Variants in MIER2 observed in about 807,000 individuals in gnomAD.
MIER2 encodes mesoderm induction early response protein 2.
Under a neutral mutation model 67.6 loss-of-function variants are expected in MIER2, and 30 were observed. The observed-to-expected ratio is 0.44, with a 90% CI of 0.33 to 0.60. The LOEUF (loss-of-function observed/expected upper bound fraction) is 0.60, where lower values mean the gene tolerates loss of function less well. Ranked by LOEUF, MIER2 falls within the 20% of genes least tolerant of loss-of-function variation. The pLI is 0.02. For missense variants in MIER2, 702 were observed against 745.1 expected (o/e 0.94, Z 0.67); for synonymous variants, 372 against 312.6 (o/e 1.19, Z -2.00).
intron 3 of MIER2, among the ~76,000 whole-genome samples, chr19:329,112 A>G (rs1047044952): frequency 5.3e-5 from 8 of 151,994 alleles, no homozygotes; most frequent in Admixed American, 2.6e-4. Context: ...CAACTTCCGG[A>G]ACACTCCCTC....
intron 3 of MIER2, 162 bp downstream of exon 3, chr19:334,238 T>C (rs1600167367): frequency 1.0e-6 from 1 of 990,068 alleles, no homozygotes; most frequent in South Asian, 1.6e-5. Flanking sequence ...ATGAAAGACC[T>C]GGTCTCCACT....
Position 308,549 on chromosome 19 carries a change from AG to A in MIER2, c.1198+27del. The A allele has an allele frequency of 6.4e-7, 1 of 1,563,852 alleles. No homozygotes were observed. Among genetic ancestry groups the A allele is most frequent in the Non-Finnish European group, 8.7e-7 (1 of 1,154,762 alleles). On this transcript the variant is annotated intron_variant, in intron 12 of 13. Coordinates refer to ENST00000264819, the MANE Select transcript of MIER2 (RefSeq NM_017550.3). The surrounding 1 kb of genome is among the most constrained non-coding windows in gnomAD (Gnocchi z 9.1). ...CGGCTCCAGACCCGTGGCCGCCCCCAGGGCAGGAGATACTCCCCAAGCCTCA... is the reference window on the plus strand; with the variant it reads ...CGGCTCCAGACCCGTGGCCGCCCCCAGGCAGGAGATACTCCCCAAGCCTCA...
At chr19:318,857 C>G (rs1016393639) in intron 7 of MIER2, among the ~76,000 whole-genome samples, 1 of 151,952 alleles carries the variant, frequency 6.6e-6, no homozygotes, top group Non-Finnish European at 1.5e-5. Context: ...GAGATCCAGA[C>G]CATCCTGGCT....
At chr19:310,930 C>A (rs1487741933) in intron 10 of MIER2, among the ~76,000 whole-genome samples, 2 of 152,220 alleles carry the variant, frequency 1.3e-5, no homozygotes, top group African/African-American at 4.8e-5. Flanking sequence ...TCCAGCCACA[C>A]CTCGCCCCGC....
intron 10 of MIER2, among the ~76,000 whole-genome samples, chr19:309,702 G>A (rs1463234895): frequency 9.1e-5 from 5 of 54,758 alleles, no homozygotes; most frequent in Admixed American, 2.8e-4. Context: ...AGACGAGAAG[G>A]GACACACACA....
intron 13 of MIER2, 82 bp downstream of exon 13, chr19:307,037 C>T (rs72982402): frequency 0.086 from 126,283 of 1,463,410 alleles, 6,449 homozygotes; most frequent in African/African-American, 0.19. Context: ...GCAAATGCCT[C>T]CCACCCTCCT....
chr19:329,691 A>C (rs1054457555), intron 3 of MIER2, among the ~76,000 whole-genome samples: 1 of 152,050 alleles, frequency 6.6e-6, no homozygotes, highest in African/African-American at 2.4e-5. Flanking sequence ...GTTTGAGACC[A>C]GCCTAACTAA....
intron 7 of MIER2, among the ~76,000 whole-genome samples, chr19:316,147 C>T (rs530455615): frequency 1.3e-5 from 2 of 152,292 alleles, no homozygotes; most frequent in African/African-American, 4.8e-5. Flanking sequence ...CAAAAAAATG[C>T]TGAAAGAAAG....
intron 1 of MIER2, chr19:343,909 GTTTC>G: frequency 4.1e-6 from 4 of 985,418 alleles, no homozygotes; most frequent in Non-Finnish European, 4.8e-6. Context: ...AAAAGCGAAA[GTTTC>G]TTCCTTCCTG....
At chr19:337,175 C>G (rs1331037016) in intron 1 of MIER2, among the ~76,000 whole-genome samples, 1 of 152,050 alleles carries the variant, frequency 6.6e-6, no homozygotes, top group Non-Finnish European at 1.5e-5. Context: ...ACAAAACCCT[C>G]AACAAAATAC....
rs929732751 is a variant in MIER2, at chr19:344,741, C to CG, written c.9+32dup. On this transcript the variant is annotated intron_variant, in intron 1 of 13. Coordinates refer to ENST00000264819, the MANE Select transcript of MIER2 (RefSeq NM_017550.3). ...GGCGGGGGGCGCGGACGCGCGGGGGCGGGGGGCCGGCTCCCCCGGCCCGCT... is the reference window on the plus strand; with the variant it reads ...GGCGGGGGGCGCGGACGCGCGGGGGCGGGGGGGCCGGCTCCCCCGGCCCGCT... 127 of 1,145,398 alleles carry CG rather than the reference C, an allele frequency of 1.1e-4. 1 individual carries two copies. The South Asian group carries it at 1.2e-3, about 11-fold the overall frequency. 71.0% of individuals were successfully genotyped at this position (1,145,398 alleles called of 1,614,324 possible).
Position 308,769 on chromosome 19 carries a change from C to T in MIER2, c.1109+32G>A. 1 of 1,595,018 alleles carries T rather than the reference C, an allele frequency of 6.3e-7. No homozygotes were observed. The highest frequency in any genetic ancestry group is 1.3e-5 in the African/African-American group (1 of 74,624). On this transcript the variant is annotated intron_variant, in intron 11 of 13. Coordinates refer to ENST00000264819, the MANE Select transcript of MIER2 (RefSeq NM_017550.3). The surrounding 1 kb of genome is among the most constrained non-coding windows in gnomAD (Gnocchi z 9.1). The stretch of plus-strand genomic sequence containing the variant: ...TGCCCACCCCCGGCGGGGTGGCCGC[C>T]TGTCGTTACTGCTGGGGAGGGCTGC...
chr19:339,267 A>C (rs1164862247), intron 1 of MIER2, among the ~76,000 whole-genome samples: 1 of 152,218 alleles, frequency 6.6e-6, no homozygotes, highest in Admixed American at 6.5e-5. Context: ...TAAGGAAGAG[A>C]GAATCCCATT....
At chr19:338,654 T>G (rs1042141973) in intron 1 of MIER2, among the ~76,000 whole-genome samples, 1 of 152,170 alleles carries the variant, frequency 6.6e-6, no homozygotes, top group African/African-American at 2.4e-5. Flanking sequence ...GATTTCAAAA[T>G]TCACCACAGA....
chr19:307,153 G>C lies in MIER2; in HGVS notation c.1582C>G (p.Pro528Ala), dbSNP rs746974828. 1 of 1,588,426 alleles carries C rather than the reference G, an allele frequency of 6.3e-7. No individual in the cohort carries two copies. The highest frequency in any genetic ancestry group is 1.3e-5 in the African/African-American group (1 of 74,620). The part of the protein sequence containing the change: ...NPFLAAHPTC[P>A]APGLHSEPLS... ...GGCTCCGAGTGTAGCCCGGGGGCCGGGCACGTGGGGTGGGCGGCCAGGAAG... is the reference window on the plus strand; with the variant it reads ...GGCTCCGAGTGTAGCCCGGGGGCCGCGCACGTGGGGTGGGCGGCCAGGAAG... Residue 528 changes from proline (P) to alanine (A), a missense_variant, in exon 13 of 14, where the codon CCG (proline) becomes GCG (alanine). Physicochemically the swap from Pro to Ala is conservative, Grantham distance 27 (BLOSUM62 -1). Coordinates refer to ENST00000264819, the MANE Select transcript of MIER2 (RefSeq NM_017550.3).
intron 1 of MIER2, among the ~76,000 whole-genome samples, chr19:339,540 G>A (rs1972410951): frequency 6.6e-6 from 1 of 152,202 alleles, no homozygotes; most frequent in Non-Finnish European, 1.5e-5. Context: ...AAATAGTCCA[G>A]CAATTCCTCC....
At chr19:336,467 C>T (rs896852117) in intron 1 of MIER2, among the ~76,000 whole-genome samples, 7 of 152,226 alleles carry the variant, frequency 4.6e-5, no homozygotes, top group Admixed American at 4.6e-4. Context: ...CAGTCCTGAC[C>T]CATGCTGCAA....
At chr19:320,135 G>A (rs1415616283) in intron 7 of MIER2, among the ~76,000 whole-genome samples, 1 of 152,126 alleles carries the variant, frequency 6.6e-6, no homozygotes, top group Non-Finnish European at 1.5e-5. Context: ...GGCACTCTGG[G>A]GGGCTGAGGC....
At chr19:330,994 C>T (rs956503962) in intron 3 of MIER2, among the ~76,000 whole-genome samples, 4 of 152,174 alleles carry the variant, frequency 2.6e-5, no homozygotes, top group African/African-American at 9.7e-5. Context: ...CCTTTTTCAA[C>T]CACAGATCTG....
Sources: allele counts gnomAD v4.1 joint callset (sites outside exome capture counted in the v4.1 genomes callset), GRCh38; gene constraint gnomAD v4.1.1; non-coding constraint Gnocchi (gnomAD v3.1); transcripts MANE v1.5; gene names NCBI Gene and HGNC (gene_info 2026-07-23, HGNC 2026-07-21).